Variants in YWHAQ observed in about 807,000 individuals in gnomAD.
YWHAQ encodes the protein 14-3-3 protein theta.
Under a neutral mutation model 28.3 loss-of-function variants are expected in YWHAQ, and 6 were observed. The ratio of observed to expected loss-of-function variants is 0.21; its 90% CI spans 0.12 to 0.42. The LOEUF is 0.42. Among genes scored for constraint, YWHAQ ranks in the 10% least tolerant of loss-of-function variants. The pLI is 1.00. For synonymous variants in YWHAQ, 143 were observed against 119.1 expected, an observed-to-expected ratio of 1.20 and a Z score of -1.31; for missense variants, 201 against 305.6, an observed-to-expected ratio of 0.66 and a Z score of 2.55.
At chr2:9,614,361 T>C (rs1425060727) in intron 2 of YWHAQ, among the ~76,000 whole-genome samples, 1 of 152,184 alleles carries the variant, frequency 6.6e-6, no homozygotes, top group Non-Finnish European at 1.5e-5. Context: ...CCTTAGAGAA[T>C]TTACAATTTA....
At chr2:9,611,996 C>G (rs370444934) in intron 2 of YWHAQ, among the ~76,000 whole-genome samples, 9 of 152,182 alleles carry the variant, frequency 5.9e-5, no homozygotes, top group East Asian at 5.8e-4. Flanking sequence ...TTACTTATTT[C>G]TACCAATTAT....
At chr2:9,623,629 C>T (rs565947168) in intron 2 of YWHAQ, among the ~76,000 whole-genome samples, 26 of 152,124 alleles carry the variant, frequency 1.7e-4, no homozygotes, top group East Asian at 3.9e-4. Flanking sequence ...CAAAATTAGC[C>T]GGGTGTGGTG....
intron 2 of YWHAQ, among the ~76,000 whole-genome samples, chr2:9,602,406 C>A (rs1392231908): frequency 2.6e-5 from 4 of 152,072 alleles, no homozygotes; most frequent in East Asian, 3.9e-4. Context: ...CAGAGCAAGA[C>A]CCTGTCTCAA....
chr2:9,609,585 T>TA (rs55718607), intron 2 of YWHAQ, among the ~76,000 whole-genome samples: 26,132 of 150,588 alleles, frequency 0.17, 2,556 homozygotes, highest in Middle Eastern at 0.24. Context: ...CCAAGCAAGA[T>TA]AAAAAAAAAT....
intron 2 of YWHAQ, among the ~76,000 whole-genome samples, chr2:9,595,471 G>A (rs1183083855): frequency 3.9e-5 from 6 of 152,062 alleles, no homozygotes; most frequent in South Asian, 2.1e-4. Context: ...TTGGGAGGCC[G>A]AGATGGGTGG....
At chr2:9,586,172 G>A (rs1666340391) in intron 5 of YWHAQ, among the ~76,000 whole-genome samples, 1 of 152,136 alleles carries the variant, frequency 6.6e-6, no homozygotes, top group Non-Finnish European at 1.5e-5. Flanking sequence ...AATAGAAGTG[G>A]GTGATGGAAG....
At chr2:9,617,143 T>TA (rs35321100) in intron 2 of YWHAQ, among the ~76,000 whole-genome samples, 4 of 151,092 alleles carry the variant, frequency 2.6e-5, no homozygotes, top group Admixed American at 6.6e-5. Context: ...TTTTTTTTTT[T>TA]AGTAGAGACG....
At chr2:9,604,933 A>G (rs1194720688) in intron 2 of YWHAQ, among the ~76,000 whole-genome samples, 1 of 152,232 alleles carries the variant, frequency 6.6e-6, no homozygotes, top group Non-Finnish European at 1.5e-5. Context: ...ATCACATAGT[A>G]GGACTCATTA....
chr2:9,619,867 G>A (rs1419905130), intron 2 of YWHAQ, among the ~76,000 whole-genome samples: 9 of 152,160 alleles, frequency 5.9e-5, no homozygotes, highest in Admixed American at 5.9e-4. Context: ...GTATAAATAT[G>A]TTTAACTGCA....
chr2:9,591,948 A>C, intron 2 of YWHAQ, among the ~76,000 whole-genome samples: 1 of 152,336 alleles, frequency 6.6e-6, no homozygotes, highest in South Asian at 2.1e-4. Context: ...ATACGGTGCT[A>C]AGGAAGCACA....
chr2:9,591,761 C>T (rs372150851), intron 2 of YWHAQ, among the ~76,000 whole-genome samples: 1 of 152,292 alleles, frequency 6.6e-6, no homozygotes, highest in South Asian at 2.1e-4. Context: ...CTAGATTACA[C>T]CAAACATTGT....
chr2:9,591,838 A>G (rs894240214), intron 2 of YWHAQ, among the ~76,000 whole-genome samples: 1 of 152,258 alleles, frequency 6.6e-6, no homozygotes, highest in Admixed American at 6.5e-5. Context: ...GCTAGGTGCT[A>G]TAACGGATAT....
chr2:9,597,913 A>G (rs1225638342), intron 2 of YWHAQ, among the ~76,000 whole-genome samples: 1 of 148,760 alleles, frequency 6.7e-6, no homozygotes, highest in Non-Finnish European at 1.5e-5. Flanking sequence ...TCTGCCTCCC[A>G]GGTTCAAGCA....
Position 9,585,265 on chromosome 2 carries a change from A to C in YWHAQ, c.*21T>G, listed in dbSNP as rs375784718. The C allele has an allele frequency of 5.0e-6, 8 of 1,613,828 alleles. No homozygotes were observed. Among genetic ancestry groups the C allele is most frequent in the Admixed American group, 1.7e-5 (1 of 60,004 alleles). ...GTAAAAAGGTTTCTTGAAGGAAAGAAGGATGACACCCTGTATGGATTTAGT... is the reference window on the plus strand; with the variant it reads ...GTAAAAAGGTTTCTTGAAGGAAAGACGGATGACACCCTGTATGGATTTAGT... On this transcript the variant is annotated 3_prime_UTR_variant, in exon 6 of 6. Transcript: ENST00000238081.
At chr2:9,593,927 C>A (rs559700427) in intron 2 of YWHAQ, among the ~76,000 whole-genome samples, 1 of 140,140 alleles carries the variant, frequency 7.1e-6, no homozygotes, top group East Asian at 2.0e-4. Context: ...TATATATACA[C>A]ACACACACAC....
chr2:9,602,848 AAAAAAAAAAAAAAAATATATATATATAT>A (rs1666731092), intron 2 of YWHAQ, among the ~76,000 whole-genome samples: 7 of 17,820 alleles, frequency 3.9e-4, no homozygotes, highest in South Asian at 4.5e-3. Context: ...AAAAAAAAAA[AAAAAAAAAAAAAAAATATATATATATAT>A]ATATATATAT....
chr2:9,594,973 T>C (rs1226754644), intron 2 of YWHAQ, among the ~76,000 whole-genome samples: 1 of 152,248 alleles, frequency 6.6e-6, no homozygotes, highest in African/African-American at 2.4e-5. Flanking sequence ...ACTTATGAGC[T>C]AACCTCTTCT....
At chr2:9,629,106 T>C (rs1305051198) in intron 2 of YWHAQ, among the ~76,000 whole-genome samples, 1 of 151,948 alleles carries the variant, frequency 6.6e-6, no homozygotes, top group African/African-American at 2.4e-5. Context: ...ATTTCTTCCA[T>C]TCCCTTTTGA....
At chr2:9,588,027 G>C in intron 4 of YWHAQ, 138 bp downstream of exon 4, 1 of 1,081,266 alleles carries the variant, frequency 9.2e-7, no homozygotes, top group South Asian at 2.0e-5. Flanking sequence ...AATCATGATG[G>C]GAAGAAAAAG....
Sources: gnomAD v4.1 joint callset for allele counts (sites outside exome capture counted in the v4.1 genomes callset) on GRCh38, gnomAD v4.1.1 for gene constraint, MANE v1.5 for transcripts, NCBI Gene and HGNC (gene_info 2026-07-23, HGNC 2026-07-21) for gene names.